The following MACROD2 variants were observed in gnomAD, a reference collection of about 807,000 sequenced individuals.
The protein encoded by MACROD2 is ADP-ribose glycohydrolase MACROD2.
MACROD2 carries 36 observed loss-of-function variants against 70.4 expected under a neutral mutation model. The ratio of observed to expected loss-of-function variants is 0.51; its 90% CI spans 0.39 to 0.68. MACROD2 has a LOEUF of 0.68. MACROD2 is among the 30% of genes least tolerant of loss of function. MACROD2 has a pLI of 0.00. For missense variants in MACROD2, 496 were observed against 538.4 expected, an observed-to-expected ratio of 0.92 and a Z score of 0.78; for synonymous variants, 172 against 178.8, an observed-to-expected ratio of 0.96 and a Z score of 0.30.
At chr20:14,838,159 G>A (rs1271450108) in intron 5 of MACROD2, among the ~76,000 whole-genome samples, 1 of 151,980 alleles carries the variant, frequency 6.6e-6, no homozygotes, top group Non-Finnish European at 1.5e-5. Flanking sequence ...AGTGTATGTG[G>A]GTGTGTAATC....
intron 8 of MACROD2, among the ~76,000 whole-genome samples, chr20:15,601,974 G>A (rs2048827397): frequency 6.6e-6 from 1 of 152,066 alleles, no homozygotes; most frequent in Non-Finnish European, 1.5e-5. Flanking sequence ...GTTCCAGTGA[G>A]CCGAGACTGT....
chr20:15,822,549 T>A (rs1397984215), intron 8 of MACROD2, among the ~76,000 whole-genome samples: 1 of 152,200 alleles, frequency 6.6e-6, no homozygotes, highest in Non-Finnish European at 1.5e-5. Flanking sequence ...TGGATAGAAC[T>A]GGTTACAAGT....
intron 8 of MACROD2, among the ~76,000 whole-genome samples, chr20:15,515,212 A>T (rs1162440075): frequency 6.6e-6 from 1 of 152,238 alleles, no homozygotes; most frequent in Non-Finnish European, 1.5e-5. Flanking sequence ...TGTGATTAGA[A>T]CTAGAGCTGA....
intron 2 of MACROD2, among the ~76,000 whole-genome samples, chr20:14,031,629 A>T (rs975125090): frequency 1.3e-5 from 2 of 152,168 alleles, no homozygotes; most frequent in Non-Finnish European, 2.9e-5. Context: ...GTACATTTGT[A>T]GCTATTTATA....
chr20:15,073,232 A>G (rs1388533293), intron 5 of MACROD2, among the ~76,000 whole-genome samples: 2 of 152,118 alleles, frequency 1.3e-5, no homozygotes, highest in Non-Finnish European at 1.5e-5. Context: ...AAAGCTATCT[A>G]TATTTGAAGA....
At chr20:14,948,694 CAG>C (rs1463090658) in intron 5 of MACROD2, among the ~76,000 whole-genome samples, 1 of 152,228 alleles carries the variant, frequency 6.6e-6, no homozygotes, top group African/African-American at 2.4e-5. Context: ...TACAGAGAAT[CAG>C]TGGTGGGGCA....
At chr20:14,262,669 G>A (rs890870591) in intron 3 of MACROD2, among the ~76,000 whole-genome samples, 4 of 152,174 alleles carry the variant, frequency 2.6e-5, no homozygotes, top group Non-Finnish European at 4.4e-5. Context: ...GAGACTAAAA[G>A]GGAGAGGTAG....
intron 6 of MACROD2, among the ~76,000 whole-genome samples, chr20:15,346,463 G>A (rs1002359378): frequency 6.6e-6 from 1 of 152,132 alleles, no homozygotes; most frequent in African/African-American, 2.4e-5. Context: ...AGTATACAGT[G>A]AACAGCAGCG....
intron 7 of MACROD2, among the ~76,000 whole-genome samples, chr20:15,489,264 C>T (rs1805446422): frequency 6.6e-6 from 1 of 152,128 alleles, no homozygotes; most frequent in South Asian, 2.1e-4. Flanking sequence ...AGAAGAAGTA[C>T]AGAATTTCCC....
chr20:15,314,278 A>T (rs2077785000), intron 6 of MACROD2, among the ~76,000 whole-genome samples: 1 of 152,130 alleles, frequency 6.6e-6, no homozygotes, highest in Non-Finnish European at 1.5e-5. Context: ...TAATCGAAAA[A>T]GAAAAAAAAA....
chr20:15,072,791 A>T (rs2075628617), intron 5 of MACROD2, among the ~76,000 whole-genome samples: 1 of 152,182 alleles, frequency 6.6e-6, no homozygotes, highest in Non-Finnish European at 1.5e-5. Flanking sequence ...CTAAAAAAGA[A>T]TAAATCAAAT....
At chr20:15,144,190 A>T (rs2145851281) in intron 5 of MACROD2, among the ~76,000 whole-genome samples, 1 of 152,188 alleles carries the variant, frequency 6.6e-6, no homozygotes, top group East Asian at 1.9e-4. Flanking sequence ...TTCTGGGCTC[A>T]AGCAATCCTC....
At chr20:15,718,012 T>TTC (rs1162655145) in intron 8 of MACROD2, among the ~76,000 whole-genome samples, 14 of 145,492 alleles carry the variant, frequency 9.6e-5, no homozygotes, top group African/African-American at 3.8e-4. Context: ...TTATTGTGTT[T>TTC]TCTCTCTTTT....
intron 5 of MACROD2, among the ~76,000 whole-genome samples, chr20:14,707,546 C>A (rs902458139): frequency 1.3e-5 from 2 of 152,122 alleles, no homozygotes; most frequent in African/African-American, 4.8e-5. Flanking sequence ...GTGAGACCTC[C>A]CAGTGCTGTA....
At chr20:15,347,504 A>G (rs547409369) in intron 6 of MACROD2, among the ~76,000 whole-genome samples, 1 of 152,156 alleles carries the variant, frequency 6.6e-6, no homozygotes, top group African/African-American at 2.4e-5. Context: ...GAAAATGTAA[A>G]TCAAACCACT....
intron 5 of MACROD2, among the ~76,000 whole-genome samples, chr20:14,930,572 G>A (rs2074284820): frequency 6.6e-6 from 1 of 151,892 alleles, no homozygotes. Flanking sequence ...AGCATTGTTG[G>A]GAGATTGAGA....
chr20:14,083,727 G>A (rs939308404), intron 2 of MACROD2, among the ~76,000 whole-genome samples: 1 of 151,990 alleles, frequency 6.6e-6, no homozygotes, highest in Admixed American at 6.6e-5. Flanking sequence ...TAACATACAA[G>A]TTGCCCACAT....
intron 8 of MACROD2, among the ~76,000 whole-genome samples, chr20:15,575,903 T>G (rs1438166715): frequency 6.6e-6 from 1 of 152,174 alleles, no homozygotes; most frequent in Non-Finnish European, 1.5e-5. Flanking sequence ...TAAATTGGCT[T>G]AAACTTGTTT....
At chr20:14,058,282 T>G (rs371321846) in intron 2 of MACROD2, among the ~76,000 whole-genome samples, 1 of 152,248 alleles carries the variant, frequency 6.6e-6, no homozygotes, top group East Asian at 1.9e-4. Context: ...TTAAATAATA[T>G]TAAAATAACT....
Sources: gnomAD v4.1 joint callset for allele counts (sites outside exome capture counted in the v4.1 genomes callset) on GRCh38, gnomAD v4.1.1 for gene constraint, MANE v1.5 for transcripts, NCBI Gene and HGNC (gene_info 2026-07-23, HGNC 2026-07-21) for gene names.